RNGTT: variants seen among roughly 807,000 people sequenced by gnomAD.
The protein encoded by RNGTT is mRNA-capping enzyme.
In RNGTT, 33 loss-of-function variants were observed where a neutral mutation model predicts 79.3. The ratio of observed to expected loss-of-function variants is 0.42; its 90% CI spans 0.32 to 0.56. RNGTT has a LOEUF of 0.56. Ranked by LOEUF, RNGTT falls within the 20% of genes least tolerant of loss-of-function variation. The probability of loss-of-function intolerance (pLI) is 0.17; values close to 1 mark genes in which losing one functional copy is unlikely to be tolerated. For synonymous variants in RNGTT, 222 were observed against 235.9 expected (o/e 0.94, Z 0.54); for missense variants, 497 against 739.1 (o/e 0.67, Z 3.80).
At chr6:88,696,867 C>T (rs1220040918) in intron 13 of RNGTT, among the ~76,000 whole-genome samples, 3 of 152,062 alleles carry the variant, frequency 2.0e-5, no homozygotes, top group Non-Finnish European at 4.4e-5. Flanking sequence ...ACAAAAGATG[C>T]TCTGGAGACT....
At chr6:88,814,020 A>G (rs1229964573) in intron 11 of RNGTT, among the ~76,000 whole-genome samples, 5 of 152,214 alleles carry the variant, frequency 3.3e-5, no homozygotes, top group African/African-American at 1.2e-4. Context: ...TAAGCTGGTA[A>G]GGCTAGGTTA....
rs1331473222 is a variant in RNGTT, at chr6:88,963,431, GC to G, written c.-23del. 3.2e-6 allele frequency: 5 copies of G among 1,550,310 alleles called. No individual in the cohort carries two copies. Among genetic ancestry groups the G allele is most frequent in the Non-Finnish European group, 4.4e-6 (5 of 1,144,172 alleles). Reference sequence around the variant, plus strand: ...CCATGTCTTGGGGCTGCGCAGAGCTGCCCTCCCTCACCAACGTTCACCGCGC... The same window carrying G: ...CCATGTCTTGGGGCTGCGCAGAGCTGCCTCCCTCACCAACGTTCACCGCGC... On this transcript the variant is annotated 5_prime_UTR_variant, in exon 1 of 16. Coordinates refer to ENST00000369485, the MANE Select transcript of RNGTT (RefSeq NM_003800.5).
intron 8 of RNGTT, among the ~76,000 whole-genome samples, chr6:88,854,603 A>G (rs1393435383): frequency 2.0e-5 from 3 of 152,168 alleles, no homozygotes; most frequent in African/African-American, 7.2e-5. Flanking sequence ...CTTTGAATCA[A>G]TATCATGATA....
intron 6 of RNGTT, among the ~76,000 whole-genome samples, chr6:88,903,953 G>T (rs569933147): frequency 6.6e-5 from 10 of 152,084 alleles, no homozygotes; most frequent in Non-Finnish European, 1.2e-4. Context: ...ATTTCTAGAA[G>T]ATTATTAAAG....
rs72228554 is a variant in RNGTT, at chr6:88,835,975, A to AACACACACACAC, written c.1269+8370_1269+8381dup. 2.4e-3 allele frequency among the ~76,000 whole-genome samples: 278 copies of AACACACACACAC among 113,756 alleles called. 1 individual carries two copies. The highest frequency in any genetic ancestry group is 3.6e-3 in the Admixed American group (36 of 10,118). The allele number at this position is 113,756 out of a possible 152,430, so 74.6% of individuals were successfully genotyped here. On this transcript the variant is annotated intron_variant, in intron 11 of 15. Transcript: ENST00000369485. ...ACAGCAAGACTCTGTCTCTATTAAA[A>AACACACACACAC]ACACACACACACACACACACACACA...
intron 12 of RNGTT, among the ~76,000 whole-genome samples, chr6:88,777,028 G>T (rs1032535739): frequency 4.6e-5 from 7 of 152,118 alleles, no homozygotes; most frequent in Non-Finnish European, 8.8e-5. Context: ...GGATTTTTGT[G>T]TATGGTATAA....
At chr6:88,667,766 C>T (rs1317058694) in intron 14 of RNGTT, among the ~76,000 whole-genome samples, 4 of 152,168 alleles carry the variant, frequency 2.6e-5, no homozygotes, top group Non-Finnish European at 5.9e-5. Context: ...AAACTGCATG[C>T]CAACTACCAA....
chr6:88,862,596 T>A (rs1185837270), intron 8 of RNGTT, among the ~76,000 whole-genome samples: 1 of 152,220 alleles, frequency 6.6e-6, no homozygotes, highest in Non-Finnish European at 1.5e-5. Context: ...AAGAGGGGGT[T>A]GTGAGAACTC....
intron 11 of RNGTT, among the ~76,000 whole-genome samples, chr6:88,812,961 G>A (rs1780190230): frequency 6.6e-6 from 1 of 152,302 alleles, no homozygotes; most frequent in Non-Finnish European, 1.5e-5. Flanking sequence ...AGAAGAGCAA[G>A]AGAAGGAGGT....
intron 14 of RNGTT, among the ~76,000 whole-genome samples, chr6:88,640,548 AAAAAAAAAAAAAGAAAAG>A (rs1562164382): frequency 7.1e-6 from 1 of 140,040 alleles, no homozygotes; most frequent in Non-Finnish European, 1.5e-5. Context: ...CCTTGTCTCA[AAAAAAAAAAAAAGAAAAG>A]AAAAAAAAAA....
intron 13 of RNGTT, among the ~76,000 whole-genome samples, chr6:88,732,416 A>G (rs1031422817): frequency 3.9e-5 from 6 of 152,232 alleles, no homozygotes; most frequent in Non-Finnish European, 7.3e-5. Context: ...CTGGGAATGT[A>G]CAATGGTACA....
chr6:88,827,535 A>G (rs1780712011), intron 11 of RNGTT, among the ~76,000 whole-genome samples: 1 of 152,156 alleles, frequency 6.6e-6, no homozygotes, highest in Non-Finnish European at 1.5e-5. Flanking sequence ...AACACCAGCA[A>G]GACAGAACTG....
rs576903889 is a variant in RNGTT, at chr6:88,665,234, C to T, written c.1506+13119G>A. Among the ~76,000 whole-genome samples, 191 of 152,202 alleles carry T rather than the reference C, an allele frequency of 1.3e-3. 1 individual carries two copies. Among genetic ancestry groups the T allele is most frequent in the African/African-American group, 4.2e-3 (173 of 41,528 alleles). The stretch of plus-strand genomic sequence containing the variant: ...TGGCCCAGTGGTGGCCAAAAGTATG[C>T]GCAGAAGACAACCCTCCTGGATTGG... On this transcript the variant is annotated intron_variant, in intron 14 of 15. Coordinates refer to ENST00000369485, the MANE Select transcript of RNGTT (RefSeq NM_003800.5).
intron 1 of RNGTT, among the ~76,000 whole-genome samples, chr6:88,949,138 AAAAAT>A (rs1268929702): frequency 4.8e-4 from 68 of 141,722 alleles, no homozygotes; most frequent in African/African-American, 1.4e-3. Context: ...AATAAAAATA[AAAAAT>A]AAAATAAAAT....
At chr6:88,894,729 C>A (rs1783174291) in intron 6 of RNGTT, among the ~76,000 whole-genome samples, 1 of 152,080 alleles carries the variant, frequency 6.6e-6, no homozygotes, top group Non-Finnish European at 1.5e-5. Context: ...AATATGGCCA[C>A]TTCAGCATAA....
intron 12 of RNGTT, among the ~76,000 whole-genome samples, chr6:88,779,672 CTTTATGA>C (rs1004919388): frequency 1.1e-4 from 16 of 152,030 alleles, no homozygotes; most frequent in African/African-American, 3.6e-4. Context: ...TTCAAAGCAC[CTTTATGA>C]AAATTAATGA....
intron 12 of RNGTT, among the ~76,000 whole-genome samples, chr6:88,778,040 G>A (rs1203800485): frequency 6.6e-6 from 1 of 152,142 alleles, no homozygotes; most frequent in Non-Finnish European, 1.5e-5. Flanking sequence ...TGAATCTGTG[G>A]AGATGATCAT....
At chr6:88,853,825 G>T in intron 8 of RNGTT, 61 bp from the exon 9 acceptor site, 1 of 1,011,400 alleles carries the variant, frequency 9.9e-7, no homozygotes, top group Non-Finnish European at 1.4e-6. Flanking sequence ...AGGGTCATGA[G>T]AAATAACATA....
In RNGTT at chr6:88,632,367, G is replaced by A. The variant is rs528185276; in HGVS notation, c.1507-17972C>T. ...AGAACTAGCACCAGGGTCCAGACTT[G>A]CAGCATCCCAGTCCAGCACACTGAC... is the stretch of plus-strand genomic sequence containing the variant. On this transcript the variant is annotated intron_variant, in intron 14 of 15. Coordinates refer to ENST00000369485, the MANE Select transcript of RNGTT (RefSeq NM_003800.5). 1.1e-3 allele frequency among the ~76,000 whole-genome samples: 172 copies of A among 152,270 alleles called. 5 individuals carry two copies. Among genetic ancestry groups the A allele is most frequent in the African/African-American group, 4.0e-3 (166 of 41,548 alleles).
Sources: allele counts gnomAD v4.1 joint callset (sites outside exome capture counted in the v4.1 genomes callset), GRCh38; gene constraint gnomAD v4.1.1; transcripts MANE v1.5; gene names NCBI Gene and HGNC (gene_info 2026-07-23, HGNC 2026-07-21).